The following STRN variants were observed in gnomAD, a reference collection of about 807,000 sequenced individuals.
STRN encodes striatin, also known as protein phosphatase 2 regulatory subunit B'''alpha.
In STRN, 53 loss-of-function variants were observed where a neutral mutation model predicts 96.3. The observed-to-expected ratio is 0.55, with a 90% CI of 0.44 to 0.69. The LOEUF (loss-of-function observed/expected upper bound fraction) is 0.69, where lower values mean the gene tolerates loss of function less well. Ranked by LOEUF, STRN falls within the 30% of genes least tolerant of loss-of-function variation. STRN has a pLI of 0.00. For missense variants in STRN, 987 were observed against 963.9 expected (o/e 1.02, Z -0.32); for synonymous variants, 428 against 355.9 (o/e 1.20, Z -2.28).
chr2:36,838,957 A>G lies in STRN; in HGVS notation c.*10499T>C, dbSNP rs1410922086. 2.6e-5 allele frequency among the ~76,000 whole-genome samples: 4 copies of G among 152,202 alleles called. No individual in the cohort carries two copies. Among genetic ancestry groups the G allele is most frequent in the African/African-American group, 7.2e-5 (3 of 41,454 alleles). ...CTGTATATGTTTACTGATAAATTTG[A>G]GAGACCTTTAAAAATTTGTAAGGTG... On this transcript the variant is annotated 3_prime_UTR_variant, in exon 18 of 18. Transcript: ENST00000263918.
intron 1 of STRN, among the ~76,000 whole-genome samples, chr2:36,962,791 A>G (rs1374805143): frequency 1.3e-5 from 2 of 152,146 alleles, no homozygotes; most frequent in African/African-American, 4.8e-5. Context: ...TACAGGTGTG[A>G]GCCACCGCGC....
At chr2:36,888,840 C>A (rs1404760979) in intron 7 of STRN, among the ~76,000 whole-genome samples, 1 of 151,992 alleles carries the variant, frequency 6.6e-6, no homozygotes, top group East Asian at 1.9e-4. Context: ...ACCACCATGC[C>A]CGGCTAATTT....
intron 13 of STRN, among the ~76,000 whole-genome samples, chr2:36,859,887 T>A (rs2540936): frequency 0.85 from 129,344 of 152,202 alleles, 57,065 homozygotes; most frequent in Non-Finnish European, 0.96. Context: ...GACAATCTTG[T>A]TACATGTAAG....
intron 10 of STRN, 62 bp downstream of exon 10, chr2:36,877,829 C>A (rs1668955214): frequency 6.3e-7 from 1 of 1,595,814 alleles, no homozygotes; most frequent in African/African-American, 1.3e-5. Flanking sequence ...GCCACCGCAC[C>A]CAGCCCAAGT....
intron 11 of STRN, 74 bp downstream of exon 11, chr2:36,869,480 T>C: frequency 8.1e-7 from 1 of 1,236,102 alleles, no homozygotes; most frequent in Non-Finnish European, 1.1e-6. Context: ...TTAACAGAAA[T>C]CATAAAATAT....
intron 6 of STRN, among the ~76,000 whole-genome samples, chr2:36,895,325 TA>T (rs763314498): frequency 1.8e-3 from 236 of 134,220 alleles, no homozygotes; most frequent in Non-Finnish European, 1.6e-3. Flanking sequence ...AGACTCCGTC[TA>T]AAAAAAAAAA....
At chr2:36,909,157 CAAAAA>C (rs78134786) in intron 3 of STRN, among the ~76,000 whole-genome samples, 1 of 74,082 alleles carries the variant, frequency 1.3e-5, no homozygotes, top group Admixed American at 1.5e-4. Context: ...GACTTCATCT[CAAAAA>C]AAAAAAAAAA....
intron 10 of STRN, 107 bp downstream of exon 10, chr2:36,877,784 C>T (rs1668953362): frequency 1.4e-5 from 18 of 1,293,734 alleles, no homozygotes; most frequent in Non-Finnish European, 1.9e-5. Flanking sequence ...GATCCGCCCA[C>T]CTCGGCCTCC....
intron 1 of STRN, among the ~76,000 whole-genome samples, chr2:36,959,916 C>T (rs1282207286): frequency 6.6e-6 from 1 of 152,098 alleles, no homozygotes; most frequent in Non-Finnish European, 1.5e-5. Flanking sequence ...TATTCATTCC[C>T]TCTGATTATT....
intron 6 of STRN, among the ~76,000 whole-genome samples, chr2:36,898,640 C>T (rs1669604624): frequency 6.6e-6 from 1 of 152,194 alleles, no homozygotes; most frequent in African/African-American, 2.4e-5. Flanking sequence ...TAACAATCCT[C>T]ATTTTACAAA....
intron 1 of STRN, among the ~76,000 whole-genome samples, chr2:36,944,265 T>A (rs374673482): frequency 6.6e-6 from 1 of 152,204 alleles, no homozygotes; most frequent in Non-Finnish European, 1.5e-5. Flanking sequence ...GAAAAAACGT[T>A]ATAAAGAAGG....
At chr2:36,897,426 A>T (rs1669569928) in intron 6 of STRN, among the ~76,000 whole-genome samples, 1 of 139,256 alleles carries the variant, frequency 7.2e-6, no homozygotes, top group African/African-American at 2.5e-5. Context: ...TTCCAAAAAA[A>T]ACTAAAAAAT....
rs1572659401 is a variant in STRN at position 36,900,062 on chromosome 2, T to A, written c.660-404A>T. Among the ~76,000 whole-genome samples, 3 of 152,132 alleles carry A rather than the reference T, an allele frequency of 2.0e-5. No homozygotes were observed. The South Asian group carries it at 6.2e-4, about 31-fold the overall frequency. Reference sequence around the variant, plus strand: ...AGCCACCACACCCTGCTAATTTTTGTATTTTCAGTAGAGATGGGGTTCCAC... The same window carrying A: ...AGCCACCACACCCTGCTAATTTTTGAATTTTCAGTAGAGATGGGGTTCCAC... On this transcript the variant is annotated intron_variant, in intron 5 of 17. Coordinates refer to ENST00000263918, the MANE Select transcript of STRN (RefSeq NM_003162.4).
chr2:36,849,326 A>G lies in STRN; in HGVS notation c.*130T>C, dbSNP rs1453468611. On this transcript the variant is annotated 3_prime_UTR_variant, in exon 18 of 18. Transcript: ENST00000263918. The stretch of plus-strand genomic sequence containing the variant: ...ATATGAATTGCAAAACTATACTTCA[A>G]CAAATGTTCTCTGTGCTCCTTCAGC... 2.7e-6 allele frequency: 3 copies of G among 1,114,152 alleles called. No homozygotes were observed. The highest frequency in any genetic ancestry group is 3.8e-6 in the Non-Finnish European group (3 of 791,228). 69.0% of individuals were successfully genotyped at this position (1,114,152 alleles called of 1,614,324 possible).
In STRN at chr2:36,851,007, G is replaced by A. The variant is rs762515635; in HGVS notation, c.2079C>T (p.Asn693=). The part of the protein sequence containing the change: ...HEDRHIKFYD[N]NTGKLIHSMV... The stretch of plus-strand genomic sequence containing the variant: ...TTCTTAATAAATTCTTACCTGTATT[G>A]TTATCATAGAATTTGATGTGCCTGT... The change falls in exon 16 of 18, where the codon AAC becomes AAT. Residue 693 remains asparagine (N), a synonymous_variant. Coordinates refer to ENST00000263918, the MANE Select transcript of STRN (RefSeq NM_003162.4). 1 of 1,589,554 alleles carries A rather than the reference G, an allele frequency of 6.3e-7. No individual in the cohort carries two copies. Among genetic ancestry groups the A allele is most frequent in the Non-Finnish European group, 8.6e-7 (1 of 1,164,342 alleles).
intron 6 of STRN, among the ~76,000 whole-genome samples, 196 bp downstream of exon 6, chr2:36,899,327 A>G (rs1021104801): frequency 6.6e-6 from 1 of 152,228 alleles, no homozygotes; most frequent in Non-Finnish European, 1.5e-5. Context: ...AACAGTGAGG[A>G]ATTTCAAGAG....
At chr2:36,876,683 A>T (rs1668921303) in intron 10 of STRN, among the ~76,000 whole-genome samples, 1 of 152,188 alleles carries the variant, frequency 6.6e-6, no homozygotes, top group Admixed American at 6.5e-5. Flanking sequence ...CAGGTTATAA[A>T]TACTTCACCT....
chr2:36,927,122 G>A (rs1451763181), intron 1 of STRN, among the ~76,000 whole-genome samples: 1 of 152,026 alleles, frequency 6.6e-6, no homozygotes, highest in Non-Finnish European at 1.5e-5. Flanking sequence ...AACATCATTG[G>A]TCCTGGATGA....
intron 1 of STRN, 26 bp downstream of exon 1, chr2:36,966,204 G>A (rs1211047245): frequency 1.3e-6 from 2 of 1,524,004 alleles, no homozygotes; most frequent in African/African-American, 2.8e-5. Context: ...GCGGGATGAA[G>A]ACGGCCAGGC....
Sources: gnomAD v4.1 joint callset for allele counts (sites outside exome capture counted in the v4.1 genomes callset) on GRCh38, gnomAD v4.1.1 for gene constraint, MANE v1.5 for transcripts, NCBI Gene and HGNC (gene_info 2026-07-23, HGNC 2026-07-21) for gene names.